GLRB: variants seen among roughly 807,000 people sequenced by gnomAD.
GLRB encodes the protein glycine receptor beta.
Under a neutral mutation model 54.2 loss-of-function variants are expected in GLRB, and 33 were observed. That is an observed-to-expected ratio of 0.61 (90% CI 0.46 to 0.81). GLRB has a LOEUF of 0.81. Ranked by LOEUF, GLRB falls within the 40% of genes least tolerant of loss-of-function variation. The pLI is 0.00. For synonymous variants in GLRB, 209 were observed against 208.2 expected, an observed-to-expected ratio of 1.00 and a Z score of -0.03; for missense variants, 572 against 584.6, an observed-to-expected ratio of 0.98 and a Z score of 0.22.
intron 7 of GLRB, among the ~76,000 whole-genome samples, chr4:157,143,010 C>G (rs942952894): frequency 6.6e-6 from 1 of 152,014 alleles, no homozygotes; most frequent in African/African-American, 2.4e-5. Flanking sequence ...TTTCTCAAGG[C>G]GGCAAAGGCT....
intron 9 of GLRB, among the ~76,000 whole-genome samples, chr4:157,161,118 G>C (rs1166512575): frequency 6.6e-6 from 1 of 152,030 alleles, no homozygotes; most frequent in Non-Finnish European, 1.5e-5. Context: ...ATCTTTGTTG[G>C]TTTAAGTCTG....
At chr4:157,156,097 C>T (rs546746692) in intron 9 of GLRB, among the ~76,000 whole-genome samples, 5 of 151,962 alleles carry the variant, frequency 3.3e-5, no homozygotes, top group Non-Finnish European at 7.4e-5. Context: ...TTTTTAGTTC[C>T]GTATGAGTTT....
At position 157,170,581 on chromosome 4, in the gene GLRB, G is replaced by T; in HGVS notation, c.1347G>T (p.Gly449=). ...CCATTGAAGTTAACAACGGACTTGG[G>T]AAATCTCAGGCTAAGAACAACAAGA... ...GKPIEVNNGL[G]KSQAKNNKKP... Residue 449 remains glycine (G), a synonymous_variant, in exon 10 of 10, where the codon GGG becomes GGT. Transcript: ENST00000264428. 1 of 1,613,550 alleles carries T rather than the reference G, an allele frequency of 6.2e-7. No homozygotes were observed. The highest frequency in any genetic ancestry group is 8.5e-7 in the Non-Finnish European group (1 of 1,179,634).
chr4:157,123,802 G>C (rs184641635), intron 4 of GLRB, among the ~76,000 whole-genome samples: 1 of 151,568 alleles, frequency 6.6e-6, no homozygotes, highest in African/African-American at 2.4e-5. Context: ...TATCTAGCAC[G>C]ACACCACTAC....
intron 2 of GLRB, among the ~76,000 whole-genome samples, chr4:157,106,119 A>T (rs1298294378): frequency 6.6e-6 from 1 of 151,990 alleles, no homozygotes; most frequent in East Asian, 1.9e-4. Flanking sequence ...GTTTTGGGAA[A>T]GTTGTTCCTT....
At chr4:157,106,617 C>G (rs1348275165) in intron 2 of GLRB, among the ~76,000 whole-genome samples, 1 of 151,758 alleles carries the variant, frequency 6.6e-6, no homozygotes, top group Non-Finnish European at 1.5e-5. Context: ...GCTAGGACAA[C>G]CTTTTCTCTT....
intron 2 of GLRB, among the ~76,000 whole-genome samples, chr4:157,093,865 C>A (rs1191413855): frequency 6.6e-6 from 1 of 151,672 alleles, no homozygotes; most frequent in Non-Finnish European, 1.5e-5. Context: ...ATCTTTTAAA[C>A]CACCGTGAAA....
intron 6 of GLRB, among the ~76,000 whole-genome samples, chr4:157,138,397 G>A (rs568123427): frequency 1.1e-3 from 166 of 152,132 alleles, no homozygotes; most frequent in Non-Finnish European, 2.0e-3. Context: ...AAATTTAGAT[G>A]TTTCAATGAT....
intron 2 of GLRB, among the ~76,000 whole-genome samples, chr4:157,109,970 G>T (rs1201622700): frequency 6.6e-6 from 1 of 151,916 alleles, no homozygotes; most frequent in Non-Finnish European, 1.5e-5. Flanking sequence ...TCTAAACCCT[G>T]TGTTTTGGGT....
chr4:157,165,842 T>C (rs907929078), intron 9 of GLRB, among the ~76,000 whole-genome samples: 1 of 152,038 alleles, frequency 6.6e-6, no homozygotes, highest in Non-Finnish European at 1.5e-5. Context: ...CCTACAATTT[T>C]ATATAAATTA....
chr4:157,117,239 A>T (rs116372455), intron 2 of GLRB, among the ~76,000 whole-genome samples: 59 of 151,846 alleles, frequency 3.9e-4, no homozygotes, highest in African/African-American at 1.3e-3. Context: ...TATTTCACTT[A>T]CACTATGGCA....
intron 2 of GLRB, among the ~76,000 whole-genome samples, chr4:157,115,747 G>A (rs911420322): frequency 6.6e-6 from 1 of 151,840 alleles, no homozygotes; most frequent in African/African-American, 2.4e-5. Flanking sequence ...AAGAGGCAAA[G>A]AATCACTGCC....
At chr4:157,141,135 G>T (rs943507876) in intron 7 of GLRB, among the ~76,000 whole-genome samples, 1 of 151,632 alleles carries the variant, frequency 6.6e-6, no homozygotes, top group African/African-American at 2.4e-5. Flanking sequence ...GGAATTTGGG[G>T]GATTACTCAA....
chr4:157,088,596 C>T (rs1392971533), intron 2 of GLRB, among the ~76,000 whole-genome samples: 1 of 152,110 alleles, frequency 6.6e-6, no homozygotes, highest in Non-Finnish European at 1.5e-5. Context: ...GAAAAGAATA[C>T]AAGTCCTTGG....
At chr4:157,078,333 C>A in intron 2 of GLRB, 187 bp downstream of exon 2, 1 of 532,000 alleles carries the variant, frequency 1.9e-6, no homozygotes, top group Non-Finnish European at 2.4e-6. Flanking sequence ...TCCCAATGTT[C>A]AAGGTGGTTT....
At chr4:157,149,535 G>T (rs1026961938) in intron 8 of GLRB, among the ~76,000 whole-genome samples, 1 of 151,982 alleles carries the variant, frequency 6.6e-6, no homozygotes, top group African/African-American at 2.4e-5. Context: ...AATGCAAAAA[G>T]ATTAATAATT....
intron 2 of GLRB, among the ~76,000 whole-genome samples, chr4:157,088,653 G>A (rs1286949761): frequency 1.3e-5 from 2 of 152,100 alleles, no homozygotes; most frequent in South Asian, 2.1e-4. Flanking sequence ...AAAGCTACCT[G>A]AGGCATCATC....
chr4:157,079,470 G>A (rs982764951), intron 2 of GLRB, among the ~76,000 whole-genome samples: 2 of 152,148 alleles, frequency 1.3e-5, no homozygotes, highest in Admixed American at 6.5e-5. Flanking sequence ...CATGATCCAC[G>A]TAATGTCTAG....
At chr4:157,130,037 T>C (rs371026554) in intron 4 of GLRB, among the ~76,000 whole-genome samples, 5 of 151,802 alleles carry the variant, frequency 3.3e-5, no homozygotes, top group African/African-American at 1.2e-4. Flanking sequence ...GAAAAAGTTT[T>C]TTAGCACCTA....
Sources: gnomAD v4.1 joint callset for allele counts (sites outside exome capture counted in the v4.1 genomes callset) on GRCh38, gnomAD v4.1.1 for gene constraint, MANE v1.5 for transcripts, NCBI Gene and HGNC (gene_info 2026-07-23, HGNC 2026-07-21) for gene names.